The following PSD4 variants were observed in gnomAD, a reference collection of about 807,000 sequenced individuals.
PSD4 encodes PH and SEC7 domain-containing protein 4.
Under a neutral mutation model 112.5 loss-of-function variants are expected in PSD4, and 59 were observed. The ratio of observed to expected loss-of-function variants is 0.52; its 90% CI spans 0.43 to 0.65. PSD4 has a LOEUF of 0.65. Ranked by LOEUF, PSD4 falls within the 30% of genes least tolerant of loss-of-function variation. PSD4 has a pLI of 0.00. For missense variants in PSD4, 1,267 were observed against 1,352.6 expected (o/e 0.94, Z 0.99); for synonymous variants, 533 against 540.0 (o/e 0.99, Z 0.18).
chr2:113,195,967 G>T (rs560292542), intron 11 of PSD4, among the ~76,000 whole-genome samples, 180 bp from the exon 12 acceptor site: 2 of 152,144 alleles, frequency 1.3e-5, no homozygotes, highest in African/African-American at 4.8e-5. Context: ...GTAGTGGGGC[G>T]TGGGGTATGG....
At position 113,201,567 on chromosome 2, in the gene PSD4, A is replaced by G. The variant is rs1007452894; in HGVS notation, c.*152A>G. On this transcript the variant is annotated 3_prime_UTR_variant, in exon 17 of 17. Coordinates refer to ENST00000245796, the MANE Select transcript of PSD4 (RefSeq NM_012455.3). ...CAAACCTTGTTTCCCTGTGGCCCTC[A>G]TTCTTGTGCTCCCTGAAGCTTTCCT... 5.4e-6 allele frequency: 6 copies of G among 1,101,468 alleles called. No homozygotes were observed. In the Admixed American group the frequency reaches 1.5e-4, roughly 28 times the overall value. The allele number at this position is 1,101,468 out of a possible 1,614,324, so 68.2% of individuals were successfully genotyped here.
At position 113,192,366 on chromosome 2, in the gene PSD4, A is replaced by C. The variant is rs756750114; in HGVS notation, c.1629-14A>C. Reference sequence around the variant, plus strand: ...AGAACACTTGACCCAGAGCTCCTGCATGTCTATCTCAAGTGAGAATCTGAG... The same window carrying C: ...AGAACACTTGACCCAGAGCTCCTGCCTGTCTATCTCAAGTGAGAATCTGAG... On this transcript the variant is annotated splice_polypyrimidine_tract_variant and intron_variant, in intron 5 of 16. Transcript: ENST00000245796. 3 of 1,612,648 alleles carry C rather than the reference A, an allele frequency of 1.9e-6. No individual in the cohort carries two copies. Among genetic ancestry groups the C allele is most frequent in the East Asian group, 2.2e-5 (1 of 44,876 alleles).
At chr2:113,190,251 C>A (rs779342484) in intron 5 of PSD4, among the ~76,000 whole-genome samples, 2 of 152,152 alleles carry the variant, frequency 1.3e-5, no homozygotes, top group Non-Finnish European at 2.9e-5. Context: ...ATTATCCCAA[C>A]ACCATTTGTT....
chr2:113,197,540 A>G (rs1261231441), intron 12 of PSD4, 24 bp from the exon 13 acceptor site: 2 of 1,613,862 alleles, frequency 1.2e-6, no homozygotes, highest in Admixed American at 1.7e-5. Context: ...CACCTACAAC[A>G]TTTGTGTTCT....
At chr2:113,177,219 G>T (rs188157438) in intron 1 of PSD4, among the ~76,000 whole-genome samples, 2 of 152,298 alleles carry the variant, frequency 1.3e-5, no homozygotes, top group Non-Finnish European at 2.9e-5. Context: ...TTGGTCATGG[G>T]CAGACTGGCC....
chr2:113,188,537 C>A (rs1466905788), intron 5 of PSD4, among the ~76,000 whole-genome samples: 1 of 152,130 alleles, frequency 6.6e-6, no homozygotes, highest in Non-Finnish European at 1.5e-5. Flanking sequence ...GGATTATAGG[C>A]CTGAGCCGCT....
In PSD4 at chr2:113,208,399, G is replaced by A. The variant is rs1298097329; in HGVS notation, c.*6984G>A. 6.6e-6 allele frequency: 1 copy of A among 152,190 alleles called. No individual in the cohort carries two copies. Among genetic ancestry groups the A allele is most frequent in the African/African-American group, 2.4e-5 (1 of 41,434 alleles). 9.4% of individuals were successfully genotyped at this position (152,190 alleles called of 1,614,324 possible). ...AATTACAAATGACCATACGGTACAG[G>A]TGTTACTATATTACCTGTAAGACCA... is the stretch of plus-strand genomic sequence containing the variant. On this transcript the variant is annotated 3_prime_UTR_variant, in exon 17 of 17. Coordinates refer to ENST00000245796, the MANE Select transcript of PSD4 (RefSeq NM_012455.3).
rs769966358 is a variant in PSD4 at position 113,193,973 on chromosome 2, G to C, written c.2181+25G>C. ...GGTATGTGCCACGGGGTCTTCTTAT[G>C]AGCCTCATGTAGGACCTGGAGCCTT... On this transcript the variant is annotated intron_variant, in intron 10 of 16. Coordinates refer to ENST00000245796, the MANE Select transcript of PSD4 (RefSeq NM_012455.3). 2.5e-6 allele frequency: 4 copies of C among 1,607,032 alleles called. No individual in the cohort carries two copies. In the East Asian group the frequency reaches 8.9e-5, roughly 36 times the overall value.
At chr2:113,185,827 G>A (rs926949477) in intron 4 of PSD4, 50 bp from the exon 5 acceptor site, 93 of 1,576,348 alleles carry the variant, frequency 5.9e-5, no homozygotes, top group Admixed American at 1.1e-4. Flanking sequence ...TGCCCAGGCC[G>A]TTCTCCTGCC....
At chr2:113,178,425 A>AT (rs45596742) in intron 1 of PSD4, among the ~76,000 whole-genome samples, 38 of 146,114 alleles carry the variant, frequency 2.6e-4, no homozygotes, top group Non-Finnish European at 1.3e-4. Context: ...TCTGGTATTT[A>AT]TTTTTTTTCC....
chr2:113,196,186 G>T lies in PSD4; in HGVS notation c.2265G>T (p.Pro755=). ...EDTARPEKAQ[P]SLPAGKMSKP... is the part of the protein sequence containing the mutation. ...CAGCCAGACCTGAGAAGGCCCAGCC[G>T]TCCCTGCCAGCTGGCAAGATGAGCA... The change falls in exon 12 of 17, where the codon CCG becomes CCT. Residue 755 remains proline (P), a synonymous_variant. Coordinates refer to ENST00000245796, the MANE Select transcript of PSD4 (RefSeq NM_012455.3). 1 of 1,613,760 alleles carries T rather than the reference G, an allele frequency of 6.2e-7. No homozygotes were observed. Among genetic ancestry groups the T allele is most frequent in the Non-Finnish European group, 8.5e-7 (1 of 1,179,690 alleles).
chr2:113,194,316 G>A (rs1434940132), intron 10 of PSD4, among the ~76,000 whole-genome samples: 1 of 152,172 alleles, frequency 6.6e-6, no homozygotes, highest in African/African-American at 2.4e-5. Flanking sequence ...GGTGTTCCTG[G>A]GTTTGAATTC....
At chr2:113,191,972 C>A (rs1369182092) in intron 5 of PSD4, among the ~76,000 whole-genome samples, 1 of 152,020 alleles carries the variant, frequency 6.6e-6, no homozygotes, top group Non-Finnish European at 1.5e-5. Flanking sequence ...GGAGTGGAGG[C>A]TAGAGCCAGA....
In PSD4 at chr2:113,182,867, C is replaced by G; in HGVS notation, c.411C>G (p.Asn137Lys). Residue 137 changes from asparagine to lysine, a missense_variant, in exon 2 of 17, where the codon AAC becomes AAG. By Grantham distance (94) the Asn-to-Lys change is moderately conservative. Around this residue, in one of 2 missense-constraint regions of PSD4, gnomAD observed 723 missense variants for 704.0 expected, o/e 1.03. Transcript: ENST00000245796. ...QNTASPGSPV[N>K]SHLPGSPKQN... ...CAGCATCACCAGGGTCACCAGTGAA[C>G]AGCCATCTACCGGGGAGCCCAAAGC... 6.2e-7 allele frequency: 1 copy of G among 1,614,082 alleles called. No homozygotes were observed. The highest frequency in any genetic ancestry group is 2.2e-5 in the East Asian group (1 of 44,882).
intron 1 of PSD4, among the ~76,000 whole-genome samples, chr2:113,177,057 G>T (rs1158023175): frequency 6.6e-6 from 1 of 152,224 alleles, no homozygotes; most frequent in East Asian, 1.9e-4. Flanking sequence ...GCACAAACAA[G>T]ACAATTGAAT....
intron 4 of PSD4, 99 bp from the exon 5 acceptor site, chr2:113,185,778 C>T: frequency 6.4e-7 from 1 of 1,551,252 alleles, no homozygotes; most frequent in Non-Finnish European, 8.7e-7. Context: ...CTGCCAGGCT[C>T]CAGGGGAGGA....
chr2:113,174,290 G>A (rs925228217), intron 1 of PSD4, among the ~76,000 whole-genome samples: 6 of 151,984 alleles, frequency 3.9e-5, no homozygotes, highest in African/African-American at 1.5e-4. Context: ...CTCCTCATCT[G>A]ACCCTTCTCT....
intron 11 of PSD4, 79 bp downstream of exon 11, chr2:113,195,849 G>A (rs1202550867): frequency 5.1e-6 from 8 of 1,564,386 alleles, no homozygotes; most frequent in African/African-American, 2.7e-5. Flanking sequence ...TCACCCACCC[G>A]AGAGTTAGAG....
rs762651468 is a variant in PSD4, at chr2:113,192,498, AG to A, written c.1749del (p.Asn584ThrfsTer4). Reference sequence around the variant, plus strand: ...TGGAGACAAGCTAGCTAATGGCGTCAGGAACAACAAGGTAGCCTGGAACTTG... The same window carrying A: ...TGGAGACAAGCTAGCTAATGGCGTCAGAACAACAAGGTAGCCTGGAACTTG... ...PAGDKLANGVRNNKVAWNLAS... is the reference protein window; with the variant it reads ...PAGDKLANGVXNNKVAWNLAS... On this transcript the variant is annotated frameshift_variant, in exon 6 of 17. Transcript: ENST00000245796. LOFTEE classifies it high-confidence loss of function. 3.1e-6 allele frequency: 5 copies of A among 1,614,268 alleles called. No homozygotes were observed. The highest frequency in any genetic ancestry group is 2.5e-6 in the Non-Finnish European group (3 of 1,180,046).
Sources: gnomAD v4.1 joint callset for allele counts (sites outside exome capture counted in the v4.1 genomes callset) on GRCh38, gnomAD v4.1.1 for gene constraint, gnomAD v4.1.1 regional missense constraint, MANE v1.5 for transcripts, NCBI Gene and HGNC (gene_info 2026-07-23, HGNC 2026-07-21) for gene names.